The following IPO9 variants were observed in gnomAD, a reference collection of about 807,000 sequenced individuals.
The protein encoded by IPO9 is importin 9.
In IPO9, 28 loss-of-function variants were observed where a neutral mutation model predicts 128.6. The observed-to-expected ratio is 0.22, with a 90% confidence interval of 0.16 to 0.30. The LOEUF (loss-of-function observed/expected upper bound fraction) is 0.30, where lower values mean the gene tolerates loss of function less well. Among genes scored for constraint, IPO9 ranks in the 10% least tolerant of loss-of-function variants. IPO9 has a pLI of 1.00. For missense variants in IPO9, 935 were observed against 1,293.9 expected (o/e 0.72, Z 4.26); for synonymous variants, 455 against 475.8 (o/e 0.96, Z 0.57).
At chr1:201,832,448 G>A (rs944334732) in intron 1 of IPO9, among the ~76,000 whole-genome samples, 7 of 152,046 alleles carry the variant, frequency 4.6e-5, no homozygotes, top group African/African-American at 1.2e-4. Flanking sequence ...TAGCAGAGGC[G>A]GAGTTTAGCC....
At chr1:201,872,017 C>T (rs1413318025) in intron 19 of IPO9, among the ~76,000 whole-genome samples, 14 of 151,878 alleles carry the variant, frequency 9.2e-5, no homozygotes, top group African/African-American at 1.9e-4. Context: ...AGCAGATCAC[C>T]GGAGGTCAGG....
intron 15 of IPO9, among the ~76,000 whole-genome samples, chr1:201,867,578 G>A (rs924964929): frequency 1.3e-5 from 2 of 151,518 alleles, no homozygotes; most frequent in Admixed American, 6.6e-5. Flanking sequence ...TTTTCTTTTA[G>A]AAAAGCATGT....
At chr1:201,861,206 G>A (rs997309748) in intron 13 of IPO9, among the ~76,000 whole-genome samples, 4 of 152,238 alleles carry the variant, frequency 2.6e-5, no homozygotes, top group African/African-American at 9.6e-5. Context: ...TAATGTTTCT[G>A]TATTACTGTG....
chr1:201,865,971 TAC>T (rs959585179), intron 14 of IPO9, among the ~76,000 whole-genome samples: 19 of 152,222 alleles, frequency 1.2e-4, no homozygotes, highest in Admixed American at 1.2e-3. Flanking sequence ...TATGGTAGAT[TAC>T]AGAGTTTGCA....
chr1:201,868,542 G>GTAATAAGTAAA, intron 15 of IPO9, 106 bp from the exon 16 acceptor site: 1 of 1,230,200 alleles, frequency 8.1e-7, no homozygotes, highest in Non-Finnish European at 1.1e-6. Flanking sequence ...AGTAATCAAT[G>GTAATAAGTAAA]CAGAAGTTGT....
chr1:201,875,353 G>A (rs1680742592), intron 23 of IPO9, 125 bp downstream of exon 23: 2 of 834,486 alleles, frequency 2.4e-6, no homozygotes, highest in Non-Finnish European at 4.0e-6. Context: ...ACTTTGGGAG[G>A]TCAAGGCGGG....
chr1:201,858,295 A>AGGTCAGAGAC (rs1490800005), intron 11 of IPO9, 152 bp from the exon 12 acceptor site: 4 of 443,942 alleles, frequency 9.0e-6, no homozygotes, highest in African/African-American at 8.1e-5. Context: ...ACCCTGACCT[A>AGGTCAGAGAC]CTGGTATAAC....
intron 13 of IPO9, among the ~76,000 whole-genome samples, chr1:201,861,685 C>A (rs1274104465): frequency 1.3e-5 from 2 of 152,118 alleles, no homozygotes; most frequent in African/African-American, 4.8e-5. Context: ...CAGTGTTTTC[C>A]GTCAACAAGA....
chr1:201,837,799 G>A (rs912645401), intron 1 of IPO9, among the ~76,000 whole-genome samples: 1 of 152,192 alleles, frequency 6.6e-6, no homozygotes, highest in Non-Finnish European at 1.5e-5. Flanking sequence ...GGCCAGGCAC[G>A]GGGGCTCATG....
chr1:201,857,781 G>A (rs1170964253), intron 11 of IPO9, among the ~76,000 whole-genome samples: 5 of 138,746 alleles, frequency 3.6e-5, no homozygotes, highest in African/African-American at 1.1e-4. Context: ...GGCGACAAGA[G>A]TGAAACTTGG....
intron 13 of IPO9, among the ~76,000 whole-genome samples, chr1:201,862,485 A>G (rs1442244521): frequency 2.0e-5 from 3 of 151,452 alleles, no homozygotes; most frequent in Admixed American, 1.3e-4. Context: ...CAAAAGTGGG[A>G]ATAAACTAGC....
At chr1:201,857,587 A>C (rs1313721098) in intron 11 of IPO9, among the ~76,000 whole-genome samples, 1 of 152,076 alleles carries the variant, frequency 6.6e-6, no homozygotes, top group Non-Finnish European at 1.5e-5. Context: ...CCTGAGGTCC[A>C]GAGTTCAAGA....
intron 15 of IPO9, among the ~76,000 whole-genome samples, chr1:201,867,603 A>G (rs1410259685): frequency 6.6e-6 from 1 of 151,558 alleles, no homozygotes; most frequent in Non-Finnish European, 1.5e-5. Context: ...ATAGATAGGT[A>G]TGTTTTAAAA....
At position 201,877,935 on chromosome 1, in the gene IPO9, AAAAAG is replaced by A. The variant is rs1197239229; in HGVS notation, c.*1883_*1887del. The A allele has an allele frequency of 6.6e-6, 1 of 152,166 alleles. No individual in the cohort carries two copies. The highest frequency in any genetic ancestry group is 2.4e-5 in the African/African-American group (1 of 41,414). The allele number at this position is 152,166 out of a possible 1,614,324, so 9.4% of individuals were successfully genotyped here. A position where few individuals can be genotyped will look rare whatever the true frequency, so the allele number is the denominator to read the frequency against. The stretch of plus-strand genomic sequence containing the variant: ...GGAGCGAAACTCTGTCTCAAAAAAA[AAAAAG>A]AGAAAGAATATAAAGTGAATCTGAA... On this transcript the variant is annotated 3_prime_UTR_variant, in exon 24 of 24. Coordinates refer to ENST00000361565, the MANE Select transcript of IPO9 (RefSeq NM_018085.5).
chr1:201,864,974 G>A (rs1022373736), intron 14 of IPO9, among the ~76,000 whole-genome samples: 1 of 152,168 alleles, frequency 6.6e-6, no homozygotes, highest in Admixed American at 6.5e-5. Flanking sequence ...TGGATATGTG[G>A]GCCAGAGAAA....
At chr1:201,858,669 G>C (rs1558221157) in intron 12 of IPO9, 116 bp downstream of exon 12, 2 of 818,928 alleles carry the variant, frequency 2.4e-6, no homozygotes, top group East Asian at 5.6e-5. Flanking sequence ...TTTAATAACA[G>C]ATTTTAATCT....
At chr1:201,871,376 CTTTTTTTTTTTTTTTT>C (rs556986429) in intron 19 of IPO9, 49 bp downstream of exon 19, 68 of 149,248 alleles carry the variant, frequency 4.6e-4, no homozygotes, top group Middle Eastern at 2.7e-3. Context: ...ACTCATATTT[CTTTTTTTTTTTTTTTT>C]TTTTTTTTTT....
intron 21 of IPO9, among the ~76,000 whole-genome samples, 165 bp from the exon 22 acceptor site, chr1:201,874,667 T>C (rs900377881): frequency 6.6e-5 from 10 of 152,228 alleles, no homozygotes; most frequent in African/African-American, 2.4e-4. Flanking sequence ...GGTTCTTTCA[T>C]TGAGACTAAC....
rs1056637065 is a variant in IPO9 at position 201,881,444 on chromosome 1, A to G, written c.*5390A>G. On this transcript the variant is annotated 3_prime_UTR_variant, in exon 24 of 24. Coordinates refer to ENST00000361565, the MANE Select transcript of IPO9 (RefSeq NM_018085.5). The stretch of plus-strand genomic sequence containing the variant: ...TGCCTTTCCTGTGCATTTGCCAGGC[A>G]GATGAGAGTGGGGTAAGACATTGCA... 3.9e-5 allele frequency: 6 copies of G among 152,266 alleles called. No homozygotes were observed. Among genetic ancestry groups the G allele is most frequent in the Admixed American group, 2.6e-4 (4 of 15,286 alleles). The allele number at this position is 152,266 out of a possible 1,614,324, so 9.4% of individuals were successfully genotyped here.
Sources: gnomAD v4.1 joint callset for allele counts (sites outside exome capture counted in the v4.1 genomes callset) on GRCh38, gnomAD v4.1.1 for gene constraint, MANE v1.5 for transcripts, NCBI Gene and HGNC (gene_info 2026-07-23, HGNC 2026-07-21) for gene names.